Variants in MLIP observed in about 807,000 individuals in gnomAD.
The protein encoded by MLIP is muscular LMNA interacting protein.
MLIP carries 79 observed loss-of-function variants against 84.8 expected under a neutral mutation model. The observed-to-expected ratio is 0.93, with a 90% CI of 0.78 to 1.12. The LOEUF (loss-of-function observed/expected upper bound fraction) is 1.12, where lower values mean the gene tolerates loss of function less well. Ranked by LOEUF, MLIP falls within the 50% of genes most tolerant of loss-of-function variation. The probability of loss-of-function intolerance (pLI) is 0.00; values close to 1 mark genes in which losing one functional copy is unlikely to be tolerated. For synonymous variants in MLIP, 504 were observed against 463.0 expected (o/e 1.09, Z -1.14); for missense variants, 1,257 against 1,160.6 (o/e 1.08, Z -1.21).
intron 5 of MLIP, among the ~76,000 whole-genome samples, chr6:54,150,994 C>A (rs1773381494): frequency 6.6e-6 from 1 of 152,044 alleles, no homozygotes; most frequent in African/African-American, 2.4e-5. Flanking sequence ...ATTATTATGT[C>A]TATTGTTCAT....
At chr6:54,159,167 C>T (rs549693539) in intron 5 of MLIP, among the ~76,000 whole-genome samples, 34 of 152,160 alleles carry the variant, frequency 2.2e-4, no homozygotes, top group Non-Finnish European at 4.7e-4. Flanking sequence ...TCTGCCTCAG[C>T]CTCCCAAAGT....
chr6:54,074,816 G>A (rs1766697758), intron 1 of MLIP, among the ~76,000 whole-genome samples: 1 of 152,100 alleles, frequency 6.6e-6, no homozygotes, highest in Non-Finnish European at 1.5e-5. Flanking sequence ...GTCTGTGAGG[G>A]ATTAGAAACA....
At chr6:54,153,027 G>A (rs1773619400) in intron 5 of MLIP, among the ~76,000 whole-genome samples, 1 of 151,856 alleles carries the variant, frequency 6.6e-6, no homozygotes, top group Non-Finnish European at 1.5e-5. Flanking sequence ...TTAGGGCTGG[G>A]GCTAGGTACA....
chr6:54,169,890 T>C (rs1775597465), intron 9 of MLIP, among the ~76,000 whole-genome samples: 1 of 151,752 alleles, frequency 6.6e-6, no homozygotes, highest in Non-Finnish European at 1.5e-5. Flanking sequence ...TTATTATGCT[T>C]ATAGAATAGT....
rs79644411 is a variant in MLIP, at chr6:54,040,592, T to C, written c.63+21501T>C. ...AAATGCAAAGGAAAATAGATTGCTC[T>C]ACCAAAAAGACATATGCACTCATAC... On this transcript the variant is annotated intron_variant, in intron 1 of 12. Coordinates refer to the MLIP transcript ENST00000274897. Among the ~76,000 whole-genome samples, 87 of 152,192 alleles carry C rather than the reference T, an allele frequency of 5.7e-4. 1 individual carries two copies. In the East Asian group the frequency reaches 0.017, roughly 29 times the overall value.
chr6:54,140,036 T>A (rs1429725899), intron 4 of MLIP, among the ~76,000 whole-genome samples: 1 of 152,142 alleles, frequency 6.6e-6, no homozygotes, highest in Admixed American at 6.5e-5. Flanking sequence ...TGAGGTAAAT[T>A]GACCTGTTTA....
At position 54,212,535 on chromosome 6, in the gene MLIP, ATGTGTGCCTGTGTG is replaced by A. The variant is rs1450092280; in HGVS notation, c.2718+10307_2718+10320del. Among the ~76,000 whole-genome samples, 6 of 152,284 alleles carry A rather than the reference ATGTGTGCCTGTGTG, an allele frequency of 3.9e-5. No homozygotes were observed. The East Asian group carries it at 5.8e-4, about 15-fold the overall frequency. On this transcript the variant is annotated intron_variant, in intron 11 of 13. Transcript: ENST00000502396. The stretch of plus-strand genomic sequence containing the variant: ...AGGGTTTACTATGATGTGCAGGTGT[ATGTGTGCCTGTGTG>A]TGTGCGCCTGTGTGTGTGCACATGC...
intron 1 of MLIP, among the ~76,000 whole-genome samples, chr6:54,055,624 A>G (rs962602746): frequency 2.0e-5 from 3 of 152,184 alleles, no homozygotes; most frequent in Non-Finnish European, 4.4e-5. Flanking sequence ...ATCATGGCAA[A>G]TCAACATTTG....
chr6:54,182,323 AG>A (rs1776959697), intron 9 of MLIP, among the ~76,000 whole-genome samples: 1 of 152,098 alleles, frequency 6.6e-6, no homozygotes. Context: ...AATGTCCCCC[AG>A]TTGCTGTGCT....
At chr6:54,190,189 A>G (rs944052369) in intron 10 of MLIP, among the ~76,000 whole-genome samples, 1 of 152,210 alleles carries the variant, frequency 6.6e-6, no homozygotes, top group Non-Finnish European at 1.5e-5. Flanking sequence ...AGATGCCATT[A>G]GAATTTAGAG....
chr6:54,263,176 A>C (rs895391111), intron 13 of MLIP, among the ~76,000 whole-genome samples: 1 of 152,056 alleles, frequency 6.6e-6, no homozygotes, highest in African/African-American at 2.4e-5. Flanking sequence ...AGAAACAAAC[A>C]AAACACTAAG....
chr6:54,174,879 A>G (rs566333436), intron 9 of MLIP, among the ~76,000 whole-genome samples: 11 of 152,082 alleles, frequency 7.2e-5, no homozygotes, highest in African/African-American at 2.6e-4. Context: ...TCATAGTTTG[A>G]GGTCTTAGGT....
At position 54,176,016 on chromosome 6, in the gene MLIP, A is replaced by C. The variant is rs1192394465; in HGVS notation, c.2544+6444A>C. ...GGTTTTTGTCATTTATTTTGTTAATATGACATATCACATTGATTGATTTGC... is the reference window on the plus strand; with the variant it reads ...GGTTTTTGTCATTTATTTTGTTAATCTGACATATCACATTGATTGATTTGC... On this transcript the variant is annotated intron_variant, in intron 9 of 13. Coordinates refer to ENST00000502396, the MANE Select transcript of MLIP (RefSeq NM_001281747.2). 3.3e-5 allele frequency among the ~76,000 whole-genome samples: 5 copies of C among 152,134 alleles called. No individual in the cohort carries two copies. In the East Asian group the frequency reaches 9.7e-4, roughly 29 times the overall value.
Position 54,230,908 on chromosome 6 carries a change from A to G in MLIP, c.2913A>G (p.Ala971=), listed in dbSNP as rs748193604. 6.2e-7 allele frequency: 1 copy of G among 1,613,978 alleles called. No individual in the cohort carries two copies. The highest frequency in any genetic ancestry group is 8.5e-7 in the Non-Finnish European group (1 of 1,179,922). The change falls in exon 12 of 14, where the codon GCA becomes GCG. Residue 971 remains alanine, a synonymous_variant. Transcript: ENST00000502396. The part of the protein sequence containing the change: ...ENSHTLLSHN[A]CNKLSHPMVA... ...CTCACACCCTCCTCAGTCACAACGCATGCAACAAGGTGAGAACTCCTCCCC... is the reference window on the plus strand; with the variant it reads ...CTCACACCCTCCTCAGTCACAACGCGTGCAACAAGGTGAGAACTCCTCCCC...
chr6:54,131,234 C>T (rs1450033363), intron 3 of MLIP, among the ~76,000 whole-genome samples: 1 of 152,150 alleles, frequency 6.6e-6, no homozygotes, highest in Non-Finnish European at 1.5e-5. Context: ...GGTCTCTCAC[C>T]AGGTTGAAAT....
At chr6:54,044,593 A>G (rs13211796) in intron 1 of MLIP, among the ~76,000 whole-genome samples, 8,595 of 151,810 alleles carry the variant, frequency 0.057, 259 homozygotes, top group East Asian at 0.093. Context: ...GCTTTTGCCA[A>G]TTTTTAGATA....
intron 1 of MLIP, among the ~76,000 whole-genome samples, chr6:54,086,726 A>C (rs1767519782): frequency 6.6e-6 from 1 of 152,138 alleles, no homozygotes; most frequent in Admixed American, 6.5e-5. Flanking sequence ...TCTGTTCTTC[A>C]GGGATGTCAG....
intron 1 of MLIP, among the ~76,000 whole-genome samples, chr6:54,078,614 T>C (rs1007379273): frequency 1.3e-5 from 2 of 151,472 alleles, no homozygotes; most frequent in African/African-American, 4.8e-5. Context: ...CAGATTTAGC[T>C]AATAAAAATA....
intron 1 of MLIP, among the ~76,000 whole-genome samples, chr6:54,020,433 G>A (rs983296679): frequency 1.3e-5 from 2 of 152,136 alleles, no homozygotes; most frequent in African/African-American, 4.8e-5. Context: ...TAAGCATAAA[G>A]GCTTAGTGGT....
Sources: gnomAD v4.1 joint callset for allele counts (sites outside exome capture counted in the v4.1 genomes callset) on GRCh38, gnomAD v4.1.1 for gene constraint, MANE v1.5 for transcripts, NCBI Gene and HGNC (gene_info 2026-07-23, HGNC 2026-07-21) for gene names.